TMEM163: variants seen among roughly 807,000 people sequenced by gnomAD.
TMEM163 encodes the protein transmembrane protein 163.
Under a neutral mutation model 29.3 loss-of-function variants are expected in TMEM163, and 17 were observed. The observed-to-expected ratio is 0.58, with a 90% CI of 0.40 to 0.87. The LOEUF (loss-of-function observed/expected upper bound fraction) is 0.87. TMEM163 is among the 40% of genes least tolerant of loss of function. TMEM163 has a pLI of 0.00. For missense variants in TMEM163, 303 were observed against 381.5 expected, an observed-to-expected ratio of 0.79 and a Z score of 1.71; for synonymous variants, 157 against 160.6, an observed-to-expected ratio of 0.98 and a Z score of 0.17.
intron 2 of TMEM163, among the ~76,000 whole-genome samples, chr2:134,563,525 C>T (rs1681228417): frequency 6.6e-6 from 1 of 152,030 alleles, no homozygotes; most frequent in Non-Finnish European, 1.5e-5. Context: ...TTCAAAACAA[C>T]AAAATTATCA....
At chr2:134,522,903 C>T (rs536872458) in intron 4 of TMEM163, among the ~76,000 whole-genome samples, 5 of 152,274 alleles carry the variant, frequency 3.3e-5, no homozygotes, top group African/African-American at 1.2e-4. Flanking sequence ...AAGAAAAATG[C>T]CGTGTGGCTT....
intron 2 of TMEM163, among the ~76,000 whole-genome samples, chr2:134,614,678 A>G (rs1682569772): frequency 6.6e-6 from 1 of 152,106 alleles, no homozygotes; most frequent in Non-Finnish European, 1.5e-5. Flanking sequence ...ACATGGTGAA[A>G]CCCCATCTCT....
At chr2:134,508,098 T>C (rs189407370) in intron 4 of TMEM163, among the ~76,000 whole-genome samples, 2 of 152,324 alleles carry the variant, frequency 1.3e-5, no homozygotes, top group African/African-American at 4.8e-5. Context: ...ACACAAAATG[T>C]TGTCAGATCG....
chr2:134,643,928 AT>A (rs1683275725), intron 2 of TMEM163, among the ~76,000 whole-genome samples: 1 of 152,142 alleles, frequency 6.6e-6, no homozygotes, highest in African/African-American at 2.4e-5. Context: ...ACTATCAAGT[AT>A]GCAGGGTATA....
At position 134,575,389 on chromosome 2, in the gene TMEM163, G is replaced by A. The variant is rs546846086; in HGVS notation, c.323-23298C>T. Among the ~76,000 whole-genome samples the A allele has an allele frequency of 5.9e-5, 9 of 152,102 alleles. No homozygotes were observed. The East Asian group carries it at 1.2e-3, about 20-fold the overall frequency. ...TCAGCCAAGAGCCAGGCCGAGAATC[G>A]CCCCCTCAGCTGTCAGACACCCTGA... On this transcript the variant is annotated intron_variant, in intron 2 of 7. Transcript: ENST00000281924.
At chr2:134,587,068 G>GAA (rs11384847) in intron 2 of TMEM163, among the ~76,000 whole-genome samples, 27 of 150,690 alleles carry the variant, frequency 1.8e-4, no homozygotes, top group East Asian at 5.9e-4. Context: ...TTAAAGTCCT[G>GAA]AAAAAAAAAT....
At chr2:134,668,780 C>A (rs564549045) in intron 2 of TMEM163, among the ~76,000 whole-genome samples, 138 of 151,870 alleles carry the variant, frequency 9.1e-4, no homozygotes, top group African/African-American at 3.2e-3. Flanking sequence ...CACACACACA[C>A]AAAAAAAATC....
At position 134,676,862 on chromosome 2, in the gene TMEM163, T is replaced by C. The variant is rs79388481; in HGVS notation, c.322+36338A>G. 3.9e-3 allele frequency among the ~76,000 whole-genome samples: 593 copies of C among 152,252 alleles called. 5 individuals carry two copies. Among genetic ancestry groups the C allele is most frequent in the African/African-American group, 0.013 (546 of 41,542 alleles). On this transcript the variant is annotated intron_variant, in intron 2 of 7. Transcript: ENST00000281924. ...AACAGACCTTAATGGATAAGCACCA[T>C]AGGAGCCAGTGCTAAATGAGAAAAT...
At chr2:134,574,087 A>G (rs1681493814) in intron 2 of TMEM163, among the ~76,000 whole-genome samples, 2 of 152,384 alleles carry the variant, frequency 1.3e-5, no homozygotes, top group South Asian at 4.1e-4. Context: ...ACACTGGGAA[A>G]TCAAGATAGC....
chr2:134,612,890 T>C (rs1025967486), intron 2 of TMEM163, among the ~76,000 whole-genome samples: 1 of 152,082 alleles, frequency 6.6e-6, no homozygotes, highest in South Asian at 2.1e-4. Context: ...GTTGGGCCCA[T>C]ATGCACAGGG....
At chr2:134,598,783 G>A (rs565261592) in intron 2 of TMEM163, among the ~76,000 whole-genome samples, 1 of 152,034 alleles carries the variant, frequency 6.6e-6, no homozygotes, top group African/African-American at 2.4e-5. Flanking sequence ...ATCCAGGTAT[G>A]GTGGCTCATG....
At position 134,650,628 on chromosome 2, in the gene TMEM163, G is replaced by A. The variant is rs187370458; in HGVS notation, c.322+62572C>T. Reference sequence around the variant, plus strand: ...TATGTATGTATACATGTGCCATGCTGGTGCGCTGCACCCACTAACTCGTCA... The same window carrying A: ...TATGTATGTATACATGTGCCATGCTAGTGCGCTGCACCCACTAACTCGTCA... On this transcript the variant is annotated intron_variant, in intron 2 of 7. Coordinates refer to ENST00000281924, the MANE Select transcript of TMEM163 (RefSeq NM_030923.5). 1.6e-4 allele frequency among the ~76,000 whole-genome samples: 23 copies of A among 143,816 alleles called. 2 individuals are homozygous for A. Among genetic ancestry groups the A allele is most frequent in the African/African-American group, 5.6e-4 (20 of 35,724 alleles). 94.3% of individuals were successfully genotyped at this position (143,816 alleles called of 152,430 possible). A position where few individuals can be genotyped will look rare whatever the true frequency, so the allele number is the denominator to read the frequency against.
Position 134,560,704 on chromosome 2 carries a change from A to G in TMEM163, c.323-8613T>C, listed in dbSNP as rs530999236. On this transcript the variant is annotated intron_variant, in intron 2 of 7. Coordinates refer to ENST00000281924, the MANE Select transcript of TMEM163 (RefSeq NM_030923.5). The stretch of plus-strand genomic sequence containing the variant: ...CACAGAATAGTATAACAGGAAAAAA[A>G]TCCAAATAAAAACAACCCAAGGAAA... 4.0e-4 allele frequency among the ~76,000 whole-genome samples: 61 copies of G among 152,358 alleles called. No homozygotes were observed. The South Asian group carries it at 0.011, about 28-fold the overall frequency.
intron 2 of TMEM163, among the ~76,000 whole-genome samples, chr2:134,612,259 A>T (rs1433104120): frequency 6.6e-6 from 1 of 152,220 alleles, no homozygotes. Flanking sequence ...ATTCAGCAGT[A>T]GTTGTTTGAC....
intron 5 of TMEM163, among the ~76,000 whole-genome samples, chr2:134,496,749 A>G (rs149322885): frequency 6.6e-6 from 1 of 152,316 alleles, no homozygotes; most frequent in African/African-American, 2.4e-5. Context: ...ATTAAGACAG[A>G]GAAAACAAAA....
intron 2 of TMEM163, among the ~76,000 whole-genome samples, chr2:134,666,374 C>T (rs954214717): frequency 2.6e-5 from 4 of 152,164 alleles, no homozygotes; most frequent in African/African-American, 9.7e-5. Context: ...ATGGCTCTCC[C>T]TCACCCACAC....
At chr2:134,536,832 T>C (rs1441145014) in intron 4 of TMEM163, among the ~76,000 whole-genome samples, 3 of 152,124 alleles carry the variant, frequency 2.0e-5, no homozygotes, top group African/African-American at 4.8e-5. Context: ...CCTGACAGGC[T>C]GTAAGAGCCA....
intron 2 of TMEM163, among the ~76,000 whole-genome samples, chr2:134,648,304 C>CCCCTTCTCTTCTCTTCTCTT (rs1683381986): frequency 7.0e-6 from 1 of 143,110 alleles, no homozygotes; most frequent in Non-Finnish European, 1.5e-5. Context: ...CACTGCTTCT[C>CCCCTTCTCTTCTCTTCTCTT]CTCTTCTCTT....
At chr2:134,630,198 A>G (rs571606990) in intron 2 of TMEM163, among the ~76,000 whole-genome samples, 8 of 152,208 alleles carry the variant, frequency 5.3e-5, no homozygotes, top group African/African-American at 1.9e-4. Flanking sequence ...GCATCTGTAC[A>G]ATAGGAATAA....
Sources: allele counts gnomAD v4.1 joint callset (sites outside exome capture counted in the v4.1 genomes callset), GRCh38; gene constraint gnomAD v4.1.1; transcripts MANE v1.5; gene names NCBI Gene and HGNC (gene_info 2026-07-23, HGNC 2026-07-21).